The following LPAR6 variants were observed in gnomAD, a reference collection of about 807,000 sequenced individuals.
LPAR6 encodes the protein G-protein coupled purinergic receptor P2Y5.
A neutral mutation model predicts 22.0 loss-of-function variants in LPAR6; 17 were observed. That is an observed-to-expected ratio of 0.77 (90% CI 0.53 to 1.16). LPAR6 has a LOEUF of 1.16. LPAR6 is among the 50% of genes most tolerant of loss of function. The pLI, the probability that LPAR6 is intolerant of heterozygous loss-of-function variation, is 0.00. For synonymous variants in LPAR6, 136 were observed against 139.8 expected, an observed-to-expected ratio of 0.97 and a Z score of 0.19; for missense variants, 384 against 406.9, an observed-to-expected ratio of 0.94 and a Z score of 0.48.
chr13:48,409,334 A>G (rs1948769250), downstream of LPAR6, among the ~76,000 whole-genome samples: 1 of 151,648 alleles, frequency 6.6e-6, no homozygotes. Context: ...ATTTTATTGA[A>G]AATGGGTTTA....
intron 1 of LPAR6, among the ~76,000 whole-genome samples, chr13:48,434,099 A>G (rs895501912): frequency 6.6e-6 from 1 of 152,126 alleles, no homozygotes; most frequent in African/African-American, 2.4e-5. Context: ...TTCTCCAATC[A>G]TAATAGCTTT....
At chr13:48,419,974 T>C (rs1003691397) in intron 2 of LPAR6, among the ~76,000 whole-genome samples, 1 of 152,226 alleles carries the variant, frequency 6.6e-6, no homozygotes, top group African/African-American at 2.4e-5. Flanking sequence ...GAGGAGCTGG[T>C]ACTATTCCTT....
chr13:48,394,422 A>C (rs1948632553), intron 1 of LPAR6, among the ~76,000 whole-genome samples: 1 of 152,186 alleles, frequency 6.6e-6, no homozygotes, highest in Non-Finnish European at 1.5e-5. Context: ...TCCCCCGGAA[A>C]GGGGGCTGAA....
At chr13:48,426,854 C>T (rs1949086798) in intron 1 of LPAR6, 1 of 152,242 alleles carries the variant, frequency 6.6e-6, no homozygotes, top group Non-Finnish European at 1.5e-5. Flanking sequence ...GTTTAGTTGG[C>T]TCACGGTTCT....
chr13:48,410,818 G>A (rs1566210454), downstream of LPAR6, among the ~76,000 whole-genome samples: 1 of 152,078 alleles, frequency 6.6e-6, no homozygotes, highest in Non-Finnish European at 1.5e-5. Context: ...TTATCAATGT[G>A]TTACTGCTCA....
intron 1 of LPAR6, among the ~76,000 whole-genome samples, chr13:48,405,494 A>G (rs1593473475): frequency 6.6e-6 from 1 of 152,196 alleles, no homozygotes; most frequent in East Asian, 1.9e-4. Flanking sequence ...TTGACTGCAT[A>G]TAACAGGAGA....
rs2138206455 is a variant in LPAR6, at chr13:48,412,880, A to G, written c.-457T>C. 1 of 182,688 alleles carries G rather than the reference A, an allele frequency of 5.5e-6. No homozygotes were observed. The highest frequency in any genetic ancestry group is 1.3e-5 in the Non-Finnish European group (1 of 77,318). 11.3% of individuals were successfully genotyped at this position (182,688 alleles called of 1,614,324 possible). A position where few individuals can be genotyped will look rare whatever the true frequency, so the allele number is the denominator to read the frequency against. On this transcript the variant is annotated 5_prime_UTR_variant, in exon 1 of 1. Coordinates refer to ENST00000620633, the MANE Select transcript of LPAR6 (RefSeq NM_001162498.3). Reference sequence around the variant, plus strand: ...ATGTTAAGCTTAAGTTATCAATCTTATTTTCTTTTCAGTGCAGAGTTTCAG... The same window carrying G: ...ATGTTAAGCTTAAGTTATCAATCTTGTTTTCTTTTCAGTGCAGAGTTTCAG...
chr13:48,424,591 C>G (rs1207131791), intron 1 of LPAR6, among the ~76,000 whole-genome samples: 1 of 82,604 alleles, frequency 1.2e-5, no homozygotes. Flanking sequence ...TGAGTTGTCC[C>G]TTCTTCCTTA....
downstream of LPAR6, among the ~76,000 whole-genome samples, chr13:48,406,923 T>C (rs985284273): frequency 3.7e-4 from 56 of 152,178 alleles, no homozygotes; most frequent in Admixed American, 3.7e-3. Flanking sequence ...ACAGGGTTCT[T>C]ACCCTGGCGC....
chr13:48,391,481 G>A (rs938849530), intron 1 of LPAR6: 5 of 151,852 alleles, frequency 3.3e-5, no homozygotes, highest in African/African-American at 4.8e-5. Flanking sequence ...TTGGCCAGGG[G>A]CAGTGGCTCA....
chr13:48,437,970 C>G (rs1451096955), intron 1 of LPAR6, among the ~76,000 whole-genome samples: 1 of 152,066 alleles, frequency 6.6e-6, no homozygotes, highest in Non-Finnish European at 1.5e-5. Flanking sequence ...TTGTGCTTTG[C>G]TGTAGTTAAT....
chr13:48,400,173 ACT>A (rs917195986), intron 1 of LPAR6, among the ~76,000 whole-genome samples: 18 of 152,138 alleles, frequency 1.2e-4, no homozygotes, highest in African/African-American at 3.9e-4. Flanking sequence ...CATCAAAATA[ACT>A]CTCATTTATG....
chr13:48,393,656 C>G (rs1864916246), intron 1 of LPAR6, among the ~76,000 whole-genome samples: 1 of 152,102 alleles, frequency 6.6e-6, no homozygotes, highest in South Asian at 2.1e-4. Context: ...TTTAGGGTAT[C>G]ATTTCCGCTT....
chr13:48,420,328 A>T (rs1948986447), intron 2 of LPAR6, among the ~76,000 whole-genome samples: 1 of 152,260 alleles, frequency 6.6e-6, no homozygotes, highest in Non-Finnish European at 1.5e-5. Flanking sequence ...CATTGATGAA[A>T]TTCAACACTG....
intron 1 of LPAR6, among the ~76,000 whole-genome samples, chr13:48,435,943 C>T (rs1363617811): frequency 6.6e-6 from 1 of 151,742 alleles, no homozygotes; most frequent in South Asian, 2.1e-4. Context: ...TCTAAGCAGC[C>T]CAATTAAAAG....
chr13:48,437,666 G>A (rs918445611), intron 1 of LPAR6, among the ~76,000 whole-genome samples: 2 of 152,256 alleles, frequency 1.3e-5, no homozygotes, highest in Admixed American at 6.5e-5. Context: ...GAGCCTCTCC[G>A]TAGGGCTACT....
intron 1 of LPAR6, among the ~76,000 whole-genome samples, chr13:48,397,977 T>C (rs2138174788): frequency 6.6e-6 from 1 of 152,296 alleles, no homozygotes; most frequent in African/African-American, 2.4e-5. Flanking sequence ...TTGTTTTAAG[T>C]TATATTTTGC....
At position 48,411,431 on chromosome 13, in the gene LPAR6, C is replaced by CTG. The variant is rs759416336; in HGVS notation, c.991_992dup (p.Gln331HisfsTer4). 2.8e-5 allele frequency: 45 copies of CTG among 1,612,978 alleles called. No individual in the cohort carries two copies. The Admixed American group carries it at 5.7e-4, about 20-fold the overall frequency. On this transcript the variant is annotated frameshift_variant, in exon 1 of 1. Coordinates refer to ENST00000620633, the MANE Select transcript of LPAR6 (RefSeq NM_001162498.3). LOFTEE classifies it high-confidence loss of function. Reference sequence around the variant, plus strand: ...TGTCAAATATCTTACTTTTTAAGGTCTGTAGGTTATGCTGAATAAAATTCT... The same window carrying CTG: ...TGTCAAATATCTTACTTTTTAAGGTCTGTGTAGGTTATGCTGAATAAAATTCT...
At chr13:48,410,494 A>G (rs1485265218), downstream of LPAR6, among the ~76,000 whole-genome samples, 1 of 152,182 alleles carries the variant, frequency 6.6e-6, no homozygotes, top group Non-Finnish European at 1.5e-5. Context: ...ACAGTATATT[A>G]CTTTCTAAAT....
Sources: allele counts gnomAD v4.1 joint callset (sites outside exome capture counted in the v4.1 genomes callset), GRCh38; gene constraint gnomAD v4.1.1; transcripts MANE v1.5; gene names NCBI Gene and HGNC (gene_info 2026-07-23, HGNC 2026-07-21).